LMF1: variants seen among roughly 807,000 people sequenced by gnomAD.
LMF1 encodes transmembrane protein 112.
LMF1 carries 68 observed loss-of-function variants against 60.6 expected under a neutral mutation model. The ratio of observed to expected loss-of-function variants is 1.12; its 90% confidence interval spans 0.92 to 1.37. The LOEUF is 1.37. Ranked by LOEUF, LMF1 falls within the 40% of genes most tolerant of loss-of-function variation. The probability of loss-of-function intolerance (pLI) is 0.00; values close to 1 mark genes in which losing one functional copy is unlikely to be tolerated. For missense variants in LMF1, 948 were observed against 767.2 expected (o/e 1.24, Z -2.78); for synonymous variants, 418 against 324.7 (o/e 1.29, Z -3.09).
intron 1 of LMF1, among the ~76,000 whole-genome samples, chr16:959,207 T>A (rs2072772057): frequency 6.6e-6 from 1 of 152,076 alleles, no homozygotes; most frequent in South Asian, 2.1e-4. Flanking sequence ...TAACCGGAGG[T>A]GCATTTGTGC....
chr16:869,229 C>T (rs564650267), intron 9 of LMF1, 173 bp from the exon 10 acceptor site: 27 of 660,400 alleles, frequency 4.1e-5, no homozygotes, highest in Non-Finnish European at 6.1e-5. Context: ...CTGCCTGCTT[C>T]GTGTAGCCCT....
intron 2 of LMF1, among the ~76,000 whole-genome samples, chr16:938,065 G>T (rs2071994058): frequency 6.6e-6 from 1 of 151,664 alleles, no homozygotes; most frequent in South Asian, 2.1e-4. Context: ...AAAAAGAGGG[G>T]CGCCTTTGGG....
rs1376835568 is a variant in LMF1 at position 962,648 on chromosome 16, C to G, written c.194-7982G>C. On this transcript the variant is annotated intron_variant, in intron 1 of 10. Coordinates refer to ENST00000262301, the MANE Select transcript of LMF1 (RefSeq NM_022773.4). The surrounding 1 kb of genome is among the most constrained non-coding windows in gnomAD (Gnocchi z 4.5). Reference sequence around the variant, plus strand: ...AACGTGAGGGACGCTCTACAGACGCCATGACAGGCCTGCTTGACACTGTCA... The same window carrying G: ...AACGTGAGGGACGCTCTACAGACGCGATGACAGGCCTGCTTGACACTGTCA... Among the ~76,000 whole-genome samples, 1 of 152,156 alleles carries G rather than the reference C, an allele frequency of 6.6e-6. No individual in the cohort carries two copies. Among genetic ancestry groups the G allele is most frequent in the Non-Finnish European group, 1.5e-5 (1 of 68,028 alleles).
rs548880059 is a variant in LMF1 at position 867,876 on chromosome 16, T to G, written c.1529+1068A>C. Among the ~76,000 whole-genome samples the G allele has an allele frequency of 4.3e-3, 651 of 152,294 alleles. 5 individuals carry two copies. The highest frequency in any genetic ancestry group is 0.015 in the African/African-American group (634 of 41,582). On this transcript the variant is annotated intron_variant, in intron 10 of 10. Transcript: ENST00000262301. ...CCAGACTCGGGCCCAGCTGCTCCAC[T>G]GCCTCTGTGGACCTCGGCGCCCCTC...
At chr16:933,097 T>C (rs982739160) in intron 3 of LMF1, 1 of 152,216 alleles carries the variant, frequency 6.6e-6, no homozygotes, top group Non-Finnish European at 1.5e-5. Flanking sequence ...CTTCTTGCTT[T>C]AAGAAAAACA....
intron 2 of LMF1, chr16:947,699 A>G (rs1597050839): frequency 2.5e-6 from 1 of 407,222 alleles, no homozygotes; most frequent in South Asian, 1.8e-5. Context: ...GCCGTGCTGA[A>G]GAGCAGCAAA....
At chr16:974,549 A>G (rs1300717195), upstream of LMF1, among the ~76,000 whole-genome samples, 1 of 152,166 alleles carries the variant, frequency 6.6e-6, no homozygotes, top group Non-Finnish European at 1.5e-5. Flanking sequence ...AGGGACGGAC[A>G]CCCCAAGAGC....
intron 5 of LMF1, among the ~76,000 whole-genome samples, chr16:881,162 G>A (rs1014478663): frequency 1.3e-5 from 2 of 152,240 alleles, no homozygotes; most frequent in African/African-American, 2.4e-5. Context: ...CGGGGTGGGG[G>A]TGTGGGAAGC....
Position 965,110 on chromosome 16 carries a change from G to A in LMF1, c.193+5678C>T, listed in dbSNP as rs544600614. On this transcript the variant is annotated intron_variant, in intron 1 of 10. Coordinates refer to ENST00000262301, the MANE Select transcript of LMF1 (RefSeq NM_022773.4). ...GAAAAGCCCCTCCGTTCCCGCCAGC[G>A]TTGGGCATTCCTTCTGCAGTCCAGG... 9.6e-4 allele frequency among the ~76,000 whole-genome samples: 146 copies of A among 152,368 alleles called. 1 individual carries two copies. Among genetic ancestry groups the A allele is most frequent in the African/African-American group, 3.1e-3 (129 of 41,586 alleles).
At chr16:870,940 T>G in intron 7 of LMF1, 58 bp from the exon 8 acceptor site, 1 of 1,532,358 alleles carries the variant, frequency 6.5e-7, no homozygotes, top group South Asian at 1.2e-5. Flanking sequence ...GGCCTGTCCC[T>G]GGGGAGACCC....
chr16:853,897 C>G lies in LMF1; in HGVS notation c.*635G>C, dbSNP rs982217932. The G allele has an allele frequency of 2.2e-6, 1 of 453,936 alleles. No homozygotes were observed. Among genetic ancestry groups the G allele is most frequent in the African/African-American group, 2.0e-5 (1 of 49,958 alleles). 28.1% of individuals were successfully genotyped at this position (453,936 alleles called of 1,614,324 possible). Reference sequence around the variant, plus strand: ...CAGTCATGGGGGGATGAAACCGGGCCAAGAACACATGTGTGCACAGGCTGT... The same window carrying G: ...CAGTCATGGGGGGATGAAACCGGGCGAAGAACACATGTGTGCACAGGCTGT... On this transcript the variant is annotated 3_prime_UTR_variant, in exon 11 of 11. Transcript: ENST00000262301.
At chr16:896,304 G>A (rs1267569230) in intron 4 of LMF1, among the ~76,000 whole-genome samples, 1 of 152,222 alleles carries the variant, frequency 6.6e-6, no homozygotes, top group Non-Finnish European at 1.5e-5. Flanking sequence ...GCACTGTGAA[G>A]GCTGCCTCTG....
At position 861,348 on chromosome 16, in the gene LMF1, TTC is replaced by T. The variant is rs1426562465; in HGVS notation, c.1530-6644_1530-6643del. ...ACTTTGCTGAACTCACTTATTAATT[TTC>T]TTTCTTTTTTTTTTTTTTTTTTTTT... On this transcript the variant is annotated intron_variant, in intron 10 of 10. Transcript: ENST00000262301. Among the ~76,000 whole-genome samples, 60 of 144,570 alleles carry T rather than the reference TTC, an allele frequency of 4.2e-4. 1 individual carries two copies. The South Asian group carries it at 0.011, about 27-fold the overall frequency. 94.8% of individuals were successfully genotyped at this position (144,570 alleles called of 152,430 possible). A position where few individuals can be genotyped will look rare whatever the true frequency, so the allele number is the denominator to read the frequency against.
chr16:928,007 G>A lies in LMF1; in HGVS notation c.514+6237C>T, dbSNP rs80309342. On this transcript the variant is annotated intron_variant, in intron 3 of 10. Transcript: ENST00000262301. ...GAGCACAGCAGCAAAACCCAGGAGGGGCCTGGTACGCTTGGAAAGCCTCCG... is the reference window on the plus strand; with the variant it reads ...GAGCACAGCAGCAAAACCCAGGAGGAGCCTGGTACGCTTGGAAAGCCTCCG... Among the ~76,000 whole-genome samples, 1,395 of 152,288 alleles carry A rather than the reference G, an allele frequency of 9.2e-3. 24 individuals are homozygous for A. Among genetic ancestry groups the A allele is most frequent in the African/African-American group, 0.032 (1,318 of 41,536 alleles).
At chr16:937,121 A>G (rs1245847919) in intron 2 of LMF1, among the ~76,000 whole-genome samples, 3 of 152,208 alleles carry the variant, frequency 2.0e-5, no homozygotes, top group Non-Finnish European at 4.4e-5. Flanking sequence ...TCGAAAATGC[A>G]TTCTTCTGTC....
At chr16:947,112 A>G (rs1052419915) in intron 2 of LMF1, among the ~76,000 whole-genome samples, 1 of 152,234 alleles carries the variant, frequency 6.6e-6, no homozygotes, top group Non-Finnish European at 1.5e-5. Flanking sequence ...AAAGGAGGAC[A>G]CGACCATGAC....
intron 2 of LMF1, among the ~76,000 whole-genome samples, chr16:953,233 C>T (rs1444345735): frequency 2.0e-5 from 2 of 100,304 alleles, no homozygotes; most frequent in African/African-American, 3.8e-5. Flanking sequence ...AACCAGCCTC[C>T]TACATGTCCA....
intron 3 of LMF1, among the ~76,000 whole-genome samples, chr16:932,400 G>A (rs1485809210): frequency 6.6e-6 from 1 of 152,108 alleles, no homozygotes; most frequent in Non-Finnish European, 1.5e-5. Flanking sequence ...CACAGCCCCC[G>A]CGGTGCTGAC....
In LMF1 at chr16:897,091, G is replaced by A. The variant is rs149864202; in HGVS notation, c.664-4019C>T. ...CCCGTGCCACCCTCCCGCTCTGCTC[G>A]GAATGCCAGAACTTTCCAGGCCCAT... On this transcript the variant is annotated intron_variant, in intron 4 of 10. Transcript: ENST00000262301. This position sits in a 1 kb window ranked among gnomAD's most constrained non-coding sequence, Gnocchi z 4.3. 5.3e-3 allele frequency among the ~76,000 whole-genome samples: 811 copies of A among 152,254 alleles called. 10 individuals are homozygous for A. Among genetic ancestry groups the A allele is most frequent in the African/African-American group, 0.018 (732 of 41,554 alleles).
Sources: gnomAD v4.1 joint callset for allele counts (sites outside exome capture counted in the v4.1 genomes callset) on GRCh38, gnomAD v4.1.1 for gene constraint, Gnocchi (gnomAD v3.1) non-coding constraint, MANE v1.5 for transcripts, NCBI Gene and HGNC (gene_info 2026-07-23, HGNC 2026-07-21) for gene names.